The following ITSN2 variants were observed in gnomAD, a reference collection of about 807,000 sequenced individuals.
ITSN2 encodes intersectin 2, also known as intersectin-2.
A neutral mutation model predicts 243.7 loss-of-function variants in ITSN2; 156 were observed. That is an observed-to-expected ratio of 0.64 (90% confidence interval 0.56 to 0.73). The LOEUF (loss-of-function observed/expected upper bound fraction) is 0.73, where lower values mean the gene tolerates loss of function less well. ITSN2 is among the 30% of genes least tolerant of loss of function. ITSN2 has a pLI of 0.00. For missense variants in ITSN2, 1,801 were observed against 1,996.1 expected (o/e 0.90, Z 1.86); for synonymous variants, 703 against 699.9 (o/e 1.00, Z -0.07).
chr2:24,243,193 C>A (rs1320580624), intron 29 of ITSN2, among the ~76,000 whole-genome samples: 4 of 152,138 alleles, frequency 2.6e-5, no homozygotes, highest in African/African-American at 4.8e-5. Flanking sequence ...TATAAATATT[C>A]ATTGCAGCAA....
At chr2:24,209,468 G>C (rs1202822905) in intron 35 of ITSN2, among the ~76,000 whole-genome samples, 1 of 152,228 alleles carries the variant, frequency 6.6e-6, no homozygotes, top group Non-Finnish European at 1.5e-5. Context: ...GGAGCTCCAA[G>C]CGCCCATGAC....
chr2:24,226,012 ATCTG>A (rs1194096506), intron 29 of ITSN2, among the ~76,000 whole-genome samples: 5 of 152,166 alleles, frequency 3.3e-5, no homozygotes, highest in Non-Finnish European at 7.3e-5. Flanking sequence ...ACTGGTTTGT[ATCTG>A]TCTTTTAACA....
chr2:24,203,765 T>A lies in ITSN2; in HGVS notation c.4955A>T (p.Glu1652Val), dbSNP rs202091169. ...TGTTCGAATTTTTGCCACTGGAATTTCAGTACGACCCAGGAAATCTGGTGA... is the reference window on the plus strand; with the variant it reads ...TGTTCGAATTTTTGCCACTGGAATTACAGTACGACCCAGGAAATCTGGTGA... The part of the protein sequence containing the change: ...FSPDDFLGRT[E>V]IPVAKIRTEQ... The change falls in exon 40 of 40, where the codon GAA (glutamate) becomes GTA (valine). Residue 1652 changes from glutamate (E) to valine (V), a missense_variant. Around this residue, in one of 5 missense-constraint regions of ITSN2, gnomAD observed 928 missense variants for 1,065.4 expected, o/e 0.87. Coordinates refer to ENST00000355123, the MANE Select transcript of ITSN2 (RefSeq NM_006277.3). 2 of 1,614,006 alleles carry A rather than the reference T, an allele frequency of 1.2e-6. No individual in the cohort carries two copies. The highest frequency in any genetic ancestry group is 2.7e-5 in the African/African-American group (2 of 75,052).
intron 10 of ITSN2, 129 bp from the exon 11 acceptor site, chr2:24,301,368 G>T: frequency 2.0e-6 from 1 of 501,454 alleles, no homozygotes; most frequent in East Asian, 3.0e-5. Context: ...AAAACAGTTT[G>T]GTATGTCGTT....
At chr2:24,251,309 C>CAAAAAAAAAATAAA (rs1275035112) in intron 25 of ITSN2, among the ~76,000 whole-genome samples, 1,230 of 21,990 alleles carry the variant, frequency 0.056, 578 homozygotes, top group African/African-American at 0.085. Context: ...AACTCCATCT[C>CAAAAAAAAAATAAA]AAAAAAAAAA....
chr2:24,269,146 G>A (rs1173328074), intron 20 of ITSN2, among the ~76,000 whole-genome samples: 1 of 150,756 alleles, frequency 6.6e-6, no homozygotes, highest in African/African-American at 2.4e-5. Flanking sequence ...CTCAGGAACT[G>A]CATCCTCAAT....
chr2:24,222,023 T>A (rs553513709), intron 29 of ITSN2, among the ~76,000 whole-genome samples: 1 of 151,986 alleles, frequency 6.6e-6, no homozygotes, highest in Non-Finnish European at 1.5e-5. Flanking sequence ...GAGGCCAAGG[T>A]GGGTGTATCA....
intron 29 of ITSN2, among the ~76,000 whole-genome samples, chr2:24,243,823 G>A (rs942100779): frequency 2.0e-5 from 3 of 152,282 alleles, no homozygotes; most frequent in Non-Finnish European, 4.4e-5. Flanking sequence ...TAATACAGGA[G>A]CCACAGGCCA....
intron 3 of ITSN2, among the ~76,000 whole-genome samples, chr2:24,313,877 G>C (rs1379123636): frequency 6.6e-6 from 1 of 152,100 alleles, no homozygotes; most frequent in African/African-American, 2.4e-5. Context: ...CAGGTGTTAG[G>C]AGAGAGAGTC....
At chr2:24,335,308 G>A (rs1460419808) in intron 1 of ITSN2, among the ~76,000 whole-genome samples, 2 of 152,136 alleles carry the variant, frequency 1.3e-5, no homozygotes, top group Non-Finnish European at 2.9e-5. Context: ...AAAGGTCCCA[G>A]AAACTACATC....
At chr2:24,328,210 G>A in intron 1 of ITSN2, 95 bp from the exon 2 acceptor site, 1 of 801,554 alleles carries the variant, frequency 1.2e-6, no homozygotes. Context: ...GTCCCCTTCA[G>A]CTCACACTTC....
At chr2:24,265,047 T>C (rs1293447672) in intron 20 of ITSN2, among the ~76,000 whole-genome samples, 1 of 152,232 alleles carries the variant, frequency 6.6e-6, no homozygotes, top group Non-Finnish European at 1.5e-5. Context: ...CATTTTGGTC[T>C]CCCAAAGTGT....
At position 24,254,495 on chromosome 2, in the gene ITSN2, A is replaced by C. The variant is rs551191343; in HGVS notation, c.2889-64T>G. 4 of 1,329,254 alleles carry C rather than the reference A, an allele frequency of 3.0e-6. No homozygotes were observed. In the African/African-American group the frequency reaches 5.8e-5, roughly 19 times the overall value. 82.3% of individuals were successfully genotyped at this position (1,329,254 alleles called of 1,614,324 possible). On this transcript the variant is annotated intron_variant, in intron 23 of 39. Coordinates refer to ENST00000355123, the MANE Select transcript of ITSN2 (RefSeq NM_006277.3). Reference sequence around the variant, plus strand: ...AATACAAGCAAAAATAAGAAAGGTGATTTGATGCACAGCAGGTTTTAGTAG... The same window carrying C: ...AATACAAGCAAAAATAAGAAAGGTGCTTTGATGCACAGCAGGTTTTAGTAG...
At chr2:24,212,611 C>T in intron 33 of ITSN2, 39 bp downstream of exon 33, 1 of 1,516,066 alleles carries the variant, frequency 6.6e-7, no homozygotes, top group Non-Finnish European at 9.0e-7. Context: ...GCGCATCCTG[C>T]TCCTAACTCA....
At chr2:24,298,634 CAGATA>C in intron 13 of ITSN2, 26 bp downstream of exon 13, 1 of 1,582,766 alleles carries the variant, frequency 6.3e-7, no homozygotes, top group Non-Finnish European at 8.6e-7. Context: ...CATCATCATT[CAGATA>C]AATTTCACTT....
chr2:24,228,718 C>T (rs976444726), intron 29 of ITSN2, among the ~76,000 whole-genome samples: 3 of 152,050 alleles, frequency 2.0e-5, no homozygotes, highest in African/African-American at 4.8e-5. Context: ...TTGATCAGTG[C>T]GACAGAAGTC....
chr2:24,346,103 G>C (rs1262690073), intron 1 of ITSN2, among the ~76,000 whole-genome samples: 1 of 152,110 alleles, frequency 6.6e-6, no homozygotes, highest in Non-Finnish European at 1.5e-5. Flanking sequence ...CTCTAAGACT[G>C]TATCCCAGCC....
chr2:24,334,615 C>A, intron 1 of ITSN2: 1 of 1,147,118 alleles, frequency 8.7e-7, no homozygotes, highest in Non-Finnish European at 1.3e-6. Context: ...TCTCTGTATG[C>A]CCAGGGAAAG....
rs528783028 is a variant in ITSN2 at position 24,348,278 on chromosome 2, G to A, written c.-34+12026C>T. On this transcript the variant is annotated intron_variant, in intron 1 of 39. Coordinates refer to ENST00000355123, the MANE Select transcript of ITSN2 (RefSeq NM_006277.3). Reference sequence around the variant, plus strand: ...CAACCTCCACCTTCTGGGTTCAAGCGATTCTCCTGCCTCAGCCTCCCAAGT... The same window carrying A: ...CAACCTCCACCTTCTGGGTTCAAGCAATTCTCCTGCCTCAGCCTCCCAAGT... Among the ~76,000 whole-genome samples the A allele has an allele frequency of 7.0e-5, 10 of 143,822 alleles. No homozygotes were observed. The South Asian group carries it at 8.8e-4, about 13-fold the overall frequency. 94.4% of individuals were successfully genotyped at this position (143,822 alleles called of 152,430 possible).
Sources: gnomAD v4.1 joint callset for allele counts (sites outside exome capture counted in the v4.1 genomes callset) on GRCh38, gnomAD v4.1.1 for gene constraint, gnomAD v4.1.1 regional missense constraint, MANE v1.5 for transcripts, NCBI Gene and HGNC (gene_info 2026-07-23, HGNC 2026-07-21) for gene names.